The following ALX4 variants were observed in gnomAD, a reference collection of about 807,000 sequenced individuals.
The protein encoded by ALX4 is ALX homeobox 4, also known as homeobox protein aristaless-like 4.
ALX4 carries 22 observed loss-of-function variants against 40.6 expected under a neutral mutation model. That is an observed-to-expected ratio of 0.54 (90% CI 0.39 to 0.77). The LOEUF (loss-of-function observed/expected upper bound fraction) is 0.77, where lower values mean the gene tolerates loss of function less well. ALX4 is among the 30% of genes least tolerant of loss of function. ALX4 has a pLI of 0.00. For synonymous variants in ALX4, 266 were observed against 240.5 expected (o/e 1.11, Z -0.98); for missense variants, 556 against 564.8 (o/e 0.98, Z 0.16).
chr11:44,308,758 C>T (rs1361564681), intron 1 of ALX4, among the ~76,000 whole-genome samples: 1 of 152,342 alleles, frequency 6.6e-6, no homozygotes, highest in East Asian at 1.9e-4. Flanking sequence ...AAATCAGGAC[C>T]CAGACCCTTC....
intron 1 of ALX4, among the ~76,000 whole-genome samples, chr11:44,297,561 T>C (rs185795981): frequency 1.5e-4 from 23 of 151,842 alleles, no homozygotes; most frequent in African/African-American, 5.3e-4. Flanking sequence ...CTACTAAAAA[T>C]ACAAAAGTTA....
chr11:44,308,817 C>T (rs1464604990), intron 1 of ALX4, among the ~76,000 whole-genome samples: 2 of 152,236 alleles, frequency 1.3e-5, no homozygotes, highest in Non-Finnish European at 1.5e-5. Context: ...TTCCTGTCTC[C>T]CTTCCTACTC....
intron 1 of ALX4, among the ~76,000 whole-genome samples, chr11:44,301,983 T>G (rs1375103844): frequency 6.6e-6 from 1 of 151,952 alleles, no homozygotes; most frequent in African/African-American, 2.4e-5. Context: ...CGGGGGGTGG[T>G]TGGGCCCCAC....
chr11:44,307,962 A>G (rs1239328618), intron 1 of ALX4, among the ~76,000 whole-genome samples: 1 of 147,196 alleles, frequency 6.8e-6, no homozygotes, highest in Non-Finnish European at 1.5e-5. Flanking sequence ...GTGTGCCTGC[A>G]TGTGGAGCTG....
At chr11:44,267,132 A>T (rs903021882) in intron 3 of ALX4, among the ~76,000 whole-genome samples, 1 of 152,106 alleles carries the variant, frequency 6.6e-6, no homozygotes, top group Admixed American at 6.5e-5. Context: ...AGTCCTGGAG[A>T]TTTCAGAGCT....
intron 1 of ALX4, among the ~76,000 whole-genome samples, chr11:44,284,650 T>C (rs1018447364): frequency 6.6e-6 from 1 of 152,172 alleles, no homozygotes; most frequent in Non-Finnish European, 1.5e-5. Flanking sequence ...CAGCCTTCCA[T>C]CTAGCTTGAG....
intron 2 of ALX4, among the ~76,000 whole-genome samples, chr11:44,274,604 T>A (rs544735842): frequency 2.6e-5 from 4 of 152,136 alleles, no homozygotes; most frequent in East Asian, 3.9e-4. Context: ...TTGTGCTGGG[T>A]TGAGTTGAGT....
intron 2 of ALX4, among the ~76,000 whole-genome samples, chr11:44,269,783 CTG>C (rs1161051647): frequency 5.3e-5 from 8 of 152,218 alleles, no homozygotes; most frequent in Non-Finnish European, 1.2e-4. Context: ...GGATGGGAGA[CTG>C]GGGCCAGGAT....
chr11:44,289,895 C>G (rs1348083969), intron 1 of ALX4, among the ~76,000 whole-genome samples: 1 of 152,216 alleles, frequency 6.6e-6, no homozygotes, highest in Admixed American at 6.5e-5. Flanking sequence ...CTGTCCCCGG[C>G]AGGACCCACT....
At chr11:44,280,447 C>G (rs1407072857) in intron 1 of ALX4, among the ~76,000 whole-genome samples, 1 of 152,226 alleles carries the variant, frequency 6.6e-6, no homozygotes, top group Non-Finnish European at 1.5e-5. Flanking sequence ...TAAGGCTGAG[C>G]AGCAACAGCG....
intron 1 of ALX4, among the ~76,000 whole-genome samples, chr11:44,293,428 A>T (rs35087883): frequency 0.88 from 133,475 of 151,122 alleles, 59,238 homozygotes; most frequent in South Asian, 0.93. Context: ...AAGAAAAAAA[A>T]ATATATATAT....
At position 44,262,683 on chromosome 11, in the gene ALX4, T is replaced by G. The variant is rs1282792807; in HGVS notation, c.*2171A>C. The G allele has an allele frequency of 3.9e-5, 6 of 152,394 alleles. No individual in the cohort carries two copies. The highest frequency in any genetic ancestry group is 1.4e-4 in the African/African-American group (6 of 41,432). The allele number at this position is 152,394 out of a possible 1,614,324, so 9.4% of individuals were successfully genotyped here. ...GGCCCACTCTGGAGCTACCTGGCTCTCCTCCTCTTTGTCCTGATTCTCTCA... is the reference window on the plus strand; with the variant it reads ...GGCCCACTCTGGAGCTACCTGGCTCGCCTCCTCTTTGTCCTGATTCTCTCA... On this transcript the variant is annotated 3_prime_UTR_variant, in exon 4 of 4. Transcript: ENST00000652299.
chr11:44,289,381 C>T (rs1005320256), intron 1 of ALX4, among the ~76,000 whole-genome samples: 2 of 152,184 alleles, frequency 1.3e-5, no homozygotes, highest in Admixed American at 1.3e-4. Context: ...GCCTTGTATT[C>T]GTGTTGCCCT....
intron 1 of ALX4, among the ~76,000 whole-genome samples, chr11:44,281,661 C>T (rs1956311163): frequency 6.6e-6 from 1 of 152,084 alleles, no homozygotes; most frequent in Non-Finnish European, 1.5e-5. Flanking sequence ...AAACCCACTG[C>T]TGTCCAAACG....
intron 1 of ALX4, among the ~76,000 whole-genome samples, chr11:44,287,203 G>A (rs879573420): frequency 6.6e-6 from 1 of 152,230 alleles, no homozygotes; most frequent in Non-Finnish European, 1.5e-5. Context: ...GGGTGAGTGG[G>A]GAGGACTGTT....
intron 3 of ALX4, among the ~76,000 whole-genome samples, chr11:44,265,918 G>A (rs750473909): frequency 1.3e-5 from 2 of 152,116 alleles, no homozygotes; most frequent in Non-Finnish European, 2.9e-5. Flanking sequence ...GTTCACCTGG[G>A]GCTCCCATCT....
intron 1 of ALX4, among the ~76,000 whole-genome samples, chr11:44,308,969 C>G (rs1956485869): frequency 6.6e-6 from 1 of 152,266 alleles, no homozygotes; most frequent in Non-Finnish European, 1.5e-5. Context: ...ACAGTGTCCC[C>G]TGGGACCCTA....
rs577110812 is a variant in ALX4 at position 44,262,983 on chromosome 11, T to C, written c.*1871A>G. Reference sequence around the variant, plus strand: ...TCAATGTCCAAGACCCTTTCACCTCTATAAGATCCATTTTAGAGCTACGGT... The same window carrying C: ...TCAATGTCCAAGACCCTTTCACCTCCATAAGATCCATTTTAGAGCTACGGT... On this transcript the variant is annotated 3_prime_UTR_variant, in exon 4 of 4. Transcript: ENST00000652299. The C allele has an allele frequency of 1.3e-5, 2 of 152,274 alleles. No homozygotes were observed. The highest frequency in any genetic ancestry group is 4.8e-5 in the African/African-American group (2 of 41,550). The allele number at this position is 152,274 out of a possible 1,614,324, so 9.4% of individuals were successfully genotyped here. A position where few individuals can be genotyped will look rare whatever the true frequency, so the allele number is the denominator to read the frequency against.
At chr11:44,309,162 C>CCCCGCAGCCCCGCTGT (rs1248770485) in intron 1 of ALX4, among the ~76,000 whole-genome samples, 2,528 of 121,984 alleles carry the variant, frequency 0.021, 321 homozygotes, top group East Asian at 0.065. Flanking sequence ...TGTCCCGCAG[C>CCCCGCAGCCCCGCTGT]CCCGCAGCCC....
Sources: allele counts gnomAD v4.1 joint callset (sites outside exome capture counted in the v4.1 genomes callset), GRCh38; gene constraint gnomAD v4.1.1; transcripts MANE v1.5; gene names NCBI Gene and HGNC (gene_info 2026-07-23, HGNC 2026-07-21).